The following PLPP2 variants were observed in gnomAD, a reference collection of about 807,000 sequenced individuals.
PLPP2 encodes PAP2-gamma.
PLPP2 carries 29 observed loss-of-function variants against 35.2 expected under a neutral mutation model. That is an observed-to-expected ratio of 0.82 (90% CI 0.61 to 1.12). The LOEUF is 1.12. PLPP2 is among the 50% of genes most tolerant of loss of function. PLPP2 has a pLI of 0.00. For synonymous variants in PLPP2, 162 were observed against 167.0 expected, an observed-to-expected ratio of 0.97 and a Z score of 0.23; for missense variants, 353 against 375.2, an observed-to-expected ratio of 0.94 and a Z score of 0.49.
rs541866617 is a variant in PLPP2 at position 281,242 on chromosome 19, G to A, written c.*146C>T. 7 of 745,624 alleles carry A rather than the reference G, an allele frequency of 9.4e-6. No homozygotes were observed. The highest frequency in any genetic ancestry group is 1.3e-5 in the Non-Finnish European group (7 of 539,330). The allele number at this position is 745,624 out of a possible 1,614,324, so 46.2% of individuals were successfully genotyped here. A position where few individuals can be genotyped will look rare whatever the true frequency, so the allele number is the denominator to read the frequency against. The stretch of plus-strand genomic sequence containing the variant: ...ACTCCTGGTCCAGTGCAGGGCAGGG[G>A]GCAGCGGAGCCCGCTCACTGCTCCC... On this transcript the variant is annotated 3_prime_UTR_variant, in exon 6 of 6. Transcript: ENST00000434325.
intron 1 of PLPP2, among the ~76,000 whole-genome samples, chr19:289,224 C>A (rs1970333780): frequency 1.3e-5 from 2 of 152,188 alleles, no homozygotes; most frequent in South Asian, 4.1e-4. Flanking sequence ...GCAGGGCATC[C>A]TTTGGCCCAG....
intron 3 of PLPP2, chr19:285,617 A>C (rs1427243770): frequency 1.3e-5 from 2 of 150,034 alleles, no homozygotes; most frequent in Non-Finnish European, 3.0e-5. Flanking sequence ...AAAAAAGAAA[A>C]GGAGAAAAAA....
In PLPP2 at chr19:289,763, G is replaced by A. The variant is rs544753980; in HGVS notation, c.52+1522C>T. On this transcript the variant is annotated intron_variant, in intron 1 of 5. Coordinates refer to ENST00000434325, the MANE Select transcript of PLPP2 (RefSeq NM_003712.4). ...GGCAGGGCAGGACGGCGGAGAGGGC[G>A]GGATGTAAGAACCTGCCTTCTGCTC... Among the ~76,000 whole-genome samples the A allele has an allele frequency of 7.9e-5, 12 of 152,244 alleles. No homozygotes were observed. In the South Asian group the frequency reaches 8.3e-4, roughly 11 times the overall value.
At chr19:291,090 A>AC in intron 1 of PLPP2, 195 bp downstream of exon 1, 3 of 1,329,416 alleles carry the variant, frequency 2.3e-6, no homozygotes, top group Non-Finnish European at 2.9e-6. Flanking sequence ...GGACGCGGGG[A>AC]CCCCCGAGCC....
chr19:282,825 G>A lies in PLPP2; in HGVS notation c.483-16C>T. ...GAAAGACAACCTGAGGAAGGAGAAG[G>A]GGCAGGTGGCTCACTCAGCGCCTTC... On this transcript the variant is annotated splice_polypyrimidine_tract_variant and intron_variant, in intron 3 of 5. Coordinates refer to ENST00000434325, the MANE Select transcript of PLPP2 (RefSeq NM_003712.4). The A allele has an allele frequency of 6.2e-7, 1 of 1,613,086 alleles. No homozygotes were observed. The highest frequency in any genetic ancestry group is 1.1e-5 in the South Asian group (1 of 91,036).
In PLPP2 at chr19:287,992, C is replaced by A. The variant is rs368335344; in HGVS notation, c.204+28G>T. The stretch of plus-strand genomic sequence containing the variant: ...GCTGGCCCCACCCCATCCCCCTACC[C>A]AGTCCCTCTGAGCCCCTCCTGCCTT... On this transcript the variant is annotated intron_variant, in intron 2 of 5. Coordinates refer to ENST00000434325, the MANE Select transcript of PLPP2 (RefSeq NM_003712.4). This position sits in a 1 kb window ranked among gnomAD's most constrained non-coding sequence, Gnocchi z 4.3. The A allele has an allele frequency of 2.5e-5, 40 of 1,611,716 alleles. No individual in the cohort carries two copies. The African/African-American group carries it at 4.4e-4, about 18-fold the overall frequency.
At chr19:291,169 G>A (rs1970383241) in intron 1 of PLPP2, 116 bp downstream of exon 1, 6 of 1,532,254 alleles carry the variant, frequency 3.9e-6, no homozygotes, top group Non-Finnish European at 5.3e-6. Flanking sequence ...CGCCTCCAGG[G>A]TCCTCGGAGG....
At chr19:281,907 G>C in intron 5 of PLPP2, 1 of 558,540 alleles carries the variant, frequency 1.8e-6, no homozygotes, top group East Asian at 3.0e-5. Context: ...AATGAAGAGG[G>C]TCCAGGTAAG....
At position 281,418 on chromosome 19, in the gene PLPP2, G is replaced by C. The variant is rs905948644; in HGVS notation, c.837C>G (p.Asn279Lys). ...LTLTLGEADHNHYGYPHSSS is the reference protein window; with the variant it reads ...LTLTLGEADHKHYGYPHSSS ...AGGAGGAGTGCGGGTATCCATAGTG[G>C]TTGTGGTCAGCCTCGCCCAGGGTCA... The change falls in exon 6 of 6, where the codon AAC becomes AAG. Residue 279 changes from asparagine (N) to lysine (K), a missense_variant. Transcript: ENST00000434325. 51 of 1,499,300 alleles carry C rather than the reference G, an allele frequency of 3.4e-5. No homozygotes were observed. Among genetic ancestry groups the C allele is most frequent in the Non-Finnish European group, 4.5e-5 (50 of 1,122,126 alleles). 92.9% of individuals were successfully genotyped at this position (1,499,300 alleles called of 1,614,324 possible).
chr19:288,449 A>C (rs1467700369), intron 1 of PLPP2: 1 of 303,452 alleles, frequency 3.3e-6, no homozygotes, highest in Non-Finnish European at 6.0e-6. Context: ...CTCTCTGCCC[A>C]AAATATCTTT....
In PLPP2 at chr19:281,272, G is replaced by A. The variant is rs994393204; in HGVS notation, c.*116C>T. The A allele has an allele frequency of 9.4e-7, 1 of 1,060,266 alleles. No individual in the cohort carries two copies. The highest frequency in any genetic ancestry group is 1.2e-6 in the Non-Finnish European group (1 of 817,364). The allele number at this position is 1,060,266 out of a possible 1,614,324, so 65.7% of individuals were successfully genotyped here. On this transcript the variant is annotated 3_prime_UTR_variant, in exon 6 of 6. Coordinates refer to ENST00000434325, the MANE Select transcript of PLPP2 (RefSeq NM_003712.4). Reference sequence around the variant, plus strand: ...CGGAGCCCGCTCACTGCTCCCATCAGCCCAGGGTTCCTGGAGCCCGTCCAG... The same window carrying A: ...CGGAGCCCGCTCACTGCTCCCATCAACCCAGGGTTCCTGGAGCCCGTCCAG...
At chr19:282,639 C>T in intron 4 of PLPP2, 113 bp downstream of exon 4, 1 of 1,151,212 alleles carries the variant, frequency 8.7e-7, no homozygotes, top group Non-Finnish European at 1.3e-6. Context: ...ATCAGTTAGC[C>T]CCCCTCACCA....
chr19:288,288 G>T (rs1475540705), intron 1 of PLPP2, 117 bp from the exon 2 acceptor site: 2 of 1,110,068 alleles, frequency 1.8e-6, no homozygotes, highest in Non-Finnish European at 2.5e-6. Flanking sequence ...AGACAGCAAG[G>T]AAGAGCTTTT....
chr19:282,910 G>C, intron 3 of PLPP2, 101 bp from the exon 4 acceptor site: 1 of 989,904 alleles, frequency 1.0e-6, no homozygotes, highest in Non-Finnish European at 1.6e-6. Flanking sequence ...GGAGGCTGCT[G>C]CTGTTAGATG....
At position 287,824 on chromosome 19, in the gene PLPP2, C is replaced by T; in HGVS notation, c.205-73G>A. ...GGCCCTCACTCCTCCGCACGGGCCT[C>T]CCCAAGGCTGCTGGAGAGCTGGGGA... On this transcript the variant is annotated intron_variant, in intron 2 of 5. Transcript: ENST00000434325. The surrounding 1 kb of genome is among the most constrained non-coding windows in gnomAD (Gnocchi z 4.3). The T allele has an allele frequency of 6.4e-7, 1 of 1,569,698 alleles. No homozygotes were observed. The highest frequency in any genetic ancestry group is 8.7e-7 in the Non-Finnish European group (1 of 1,155,964).
chr19:282,869 C>G, intron 3 of PLPP2, 60 bp from the exon 4 acceptor site: 1 of 1,516,192 alleles, frequency 6.6e-7, no homozygotes, highest in African/African-American at 1.4e-5. Context: ...CCCTTGTCCC[C>G]GCCCCGCCCA....
chr19:290,405 G>T (rs1970363500), intron 1 of PLPP2, among the ~76,000 whole-genome samples: 1 of 152,192 alleles, frequency 6.6e-6, no homozygotes, highest in Non-Finnish European at 1.5e-5. Flanking sequence ...TGGTACCACG[G>T]GCTGGCAGAC....
rs1268760163 is a variant in PLPP2, at chr19:281,186, C to T, written c.*202G>A. On this transcript the variant is annotated 3_prime_UTR_variant, in exon 6 of 6. Transcript: ENST00000434325. ...GGACCGACGGGAACAGGTTCCCCTC[C>T]AAATGCTGAGGGCTACCCAGGCATC... The T allele has an allele frequency of 9.1e-6, 4 of 439,076 alleles. No homozygotes were observed. The highest frequency in any genetic ancestry group is 1.5e-5 in the Non-Finnish European group (4 of 264,504). The allele number at this position is 439,076 out of a possible 1,614,324, so 27.2% of individuals were successfully genotyped here. A position where few individuals can be genotyped will look rare whatever the true frequency, so the allele number is the denominator to read the frequency against.
Position 291,367 on chromosome 19 carries a change from C to G in PLPP2, c.-31G>C, listed in dbSNP as rs1370908059. 1 of 1,573,162 alleles carries G rather than the reference C, an allele frequency of 6.4e-7. No homozygotes were observed. Among genetic ancestry groups the G allele is most frequent in the Non-Finnish European group, 8.6e-7 (1 of 1,161,488 alleles). On this transcript the variant is annotated 5_prime_UTR_variant, in exon 1 of 6. Transcript: ENST00000434325. The stretch of plus-strand genomic sequence containing the variant: ...CCGCGACCCCCGACGCCGGTCCCAG[C>G]GCGTCCCGTCGCGTCCCGGCCCGGC...
Sources: allele counts gnomAD v4.1 joint callset (sites outside exome capture counted in the v4.1 genomes callset), GRCh38; gene constraint gnomAD v4.1.1; non-coding constraint Gnocchi (gnomAD v3.1); transcripts MANE v1.5; gene names NCBI Gene and HGNC (gene_info 2026-07-23, HGNC 2026-07-21).